Variants in CCDC122 observed in about 807,000 individuals in gnomAD.
CCDC122 encodes the protein coiled-coil domain-containing protein 122.
CCDC122 carries 38 observed loss-of-function variants against 37.0 expected under a neutral mutation model. The observed-to-expected ratio is 1.03, with a 90% CI of 0.79 to 1.35. The LOEUF is 1.35. Among genes scored for constraint, CCDC122 ranks in the 40% most tolerant of loss-of-function variants. CCDC122 has a pLI of 0.00. For synonymous variants in CCDC122, 83 were observed against 95.6 expected (o/e 0.87, Z 0.77); for missense variants, 305 against 310.0 (o/e 0.98, Z 0.12).
chr13:43,833,776 A>G (rs1953112679), downstream of CCDC122, among the ~76,000 whole-genome samples: 1 of 59,856 alleles, frequency 1.7e-5, no homozygotes, highest in Non-Finnish European at 3.3e-5. Context: ...TGATGACACA[A>G]CAAGTCCACC....
rs1255223313 is a variant in CCDC122, at chr13:43,827,155, C to A, written n.602-3144G>T. Among the ~76,000 whole-genome samples the A allele has an allele frequency of 3.3e-5, 5 of 152,068 alleles. No individual in the cohort carries two copies. In the East Asian group the frequency reaches 9.6e-4, roughly 29 times the overall value. On this transcript the variant is annotated intron_variant and non_coding_transcript_variant, in intron 3 of 3. Transcript: ENST00000470137. ...TATTTATAATGAAAGGACACAAAAG[C>A]ATATTTCTTGTGGTTTGTTAAGCAC...
downstream of CCDC122, among the ~76,000 whole-genome samples, chr13:43,821,706 A>G (rs1192243504): frequency 6.6e-6 from 1 of 151,754 alleles, no homozygotes; most frequent in African/African-American, 2.4e-5. Flanking sequence ...CTGACTGTGT[A>G]TTTTCAAATA....
intron 6 of CCDC122, among the ~76,000 whole-genome samples, chr13:43,840,369 ATTTATT>A (rs1161581504): frequency 9.9e-5 from 15 of 152,152 alleles, no homozygotes; most frequent in South Asian, 4.1e-4. Context: ...ATATACCACA[ATTTATT>A]TTTATTTTTA....
At chr13:43,871,791 C>A (rs1954460741) in intron 2 of CCDC122, among the ~76,000 whole-genome samples, 1 of 152,112 alleles carries the variant, frequency 6.6e-6, no homozygotes. Flanking sequence ...GTTCTCCATT[C>A]CACTGCCACC....
intron 6 of CCDC122, among the ~76,000 whole-genome samples, chr13:43,841,583 A>C (rs1953353264): frequency 6.6e-6 from 1 of 152,256 alleles, no homozygotes; most frequent in Admixed American, 6.5e-5. Context: ...ATTTTTAAAA[A>C]AATGACTGTA....
At chr13:43,838,756 T>C (rs1953249360) in intron 6 of CCDC122, among the ~76,000 whole-genome samples, 1 of 152,162 alleles carries the variant, frequency 6.6e-6, no homozygotes, top group African/African-American at 2.4e-5. Flanking sequence ...GTCTTTGTGG[T>C]GTTTCTAGGA....
intron 5 of CCDC122, 56 bp downstream of exon 5, chr13:43,859,616 G>A (rs1244854314): frequency 7.0e-6 from 9 of 1,278,956 alleles, no homozygotes; most frequent in South Asian, 3.5e-5. Flanking sequence ...TTTAATGTAT[G>A]TACTTGCAAA....
chr13:43,839,463 T>C (rs28368216), intron 6 of CCDC122, among the ~76,000 whole-genome samples: 12,582 of 152,294 alleles, frequency 0.083, 598 homozygotes, highest in African/African-American at 0.1. Context: ...CATTATATGA[T>C]ATACCACATT....
At chr13:43,842,316 T>C (rs1017820159) in intron 6 of CCDC122, among the ~76,000 whole-genome samples, 1 of 152,150 alleles carries the variant, frequency 6.6e-6, no homozygotes, top group African/African-American at 2.4e-5. Context: ...CTTTTTTTCA[T>C]TGAATTGCCT....
chr13:43,853,918 C>T (rs1220051324), intron 6 of CCDC122, among the ~76,000 whole-genome samples: 1 of 152,076 alleles, frequency 6.6e-6, no homozygotes, highest in Non-Finnish European at 1.5e-5. Context: ...GAAATTAAGG[C>T]AGAAATCAAG....
chr13:43,850,144 G>C (rs374530161), intron 6 of CCDC122, among the ~76,000 whole-genome samples: 23 of 152,150 alleles, frequency 1.5e-4, no homozygotes, highest in East Asian at 7.7e-4. Context: ...CTACAGACTA[G>C]TCTTTCCCCC....
At chr13:43,840,398 CTTTAAG>C (rs1478311258) in intron 6 of CCDC122, among the ~76,000 whole-genome samples, 3 of 149,872 alleles carry the variant, frequency 2.0e-5, no homozygotes, top group Admixed American at 1.3e-4. Flanking sequence ...TTTTACTATA[CTTTAAG>C]TTTTAGGGTA....
At chr13:43,826,060 G>T (rs182939929) in intron 3 of CCDC122, among the ~76,000 whole-genome samples, 1 of 152,098 alleles carries the variant, frequency 6.6e-6, no homozygotes, top group African/African-American at 2.4e-5. Flanking sequence ...TTTAAAAAAC[G>T]CAAGTAGAAT....
intron 4 of CCDC122, among the ~76,000 whole-genome samples, chr13:43,865,368 G>C (rs1052997286): frequency 6.6e-6 from 1 of 152,060 alleles, no homozygotes; most frequent in Non-Finnish European, 1.5e-5. Context: ...ATTCCAGGTA[G>C]ATACAGTACT....
rs2153869203 is a variant in CCDC122, at chr13:43,837,362, T to C, written c.740A>G (p.Asn247Ser). ...AATGTTCCATTGCCACTGTCGTCTATTTGACTGAAGCTTGTTCACCTGACA... is the reference window on the plus strand; with the variant it reads ...AATGTTCCATTGCCACTGTCGTCTACTTGACTGAAGCTTGTTCACCTGACA... ...LHCQVNKLQS[N>S]RRQWQWNIQQ... The change falls in exon 7 of 7, where the codon AAT (asparagine) becomes AGT (serine). Residue 247 changes from asparagine to serine, a missense_variant. Coordinates refer to ENST00000444614, the MANE Select transcript of CCDC122 (RefSeq NM_144974.5). 6.2e-7 allele frequency: 1 copy of C among 1,614,092 alleles called. No homozygotes were observed. The highest frequency in any genetic ancestry group is 8.5e-7 in the Non-Finnish European group (1 of 1,179,982).
chr13:43,870,345 T>A (rs1487497735), intron 2 of CCDC122, among the ~76,000 whole-genome samples: 7 of 152,162 alleles, frequency 4.6e-5, no homozygotes, highest in Admixed American at 6.5e-5. Flanking sequence ...CCGTTCATGT[T>A]ACATCCTTTC....
chr13:43,823,982 G>T (rs1269837088), exon 4 of CCDC122: 1 of 152,226 alleles, frequency 6.6e-6, no homozygotes, highest in Non-Finnish European at 1.5e-5. Context: ...AATGAGTGGT[G>T]CAGGCTTCTA....
intron 6 of CCDC122, among the ~76,000 whole-genome samples, chr13:43,840,712 C>T (rs1421999511): frequency 1.3e-5 from 2 of 151,474 alleles, no homozygotes; most frequent in Admixed American, 1.3e-4. Context: ...AGGACATGAA[C>T]TCATCATTTT....
At chr13:43,832,279 T>C (rs1041564798), downstream of CCDC122, among the ~76,000 whole-genome samples, 28 of 130,532 alleles carry the variant, frequency 2.1e-4, no homozygotes, top group African/African-American at 7.9e-4. Flanking sequence ...AAAATACTTA[T>C]AATATTAAAA....
Sources: gnomAD v4.1 joint callset for allele counts (sites outside exome capture counted in the v4.1 genomes callset) on GRCh38, gnomAD v4.1.1 for gene constraint, MANE v1.5 for transcripts, NCBI Gene and HGNC (gene_info 2026-07-23, HGNC 2026-07-21) for gene names.